The following GNA14 variants were observed in gnomAD, a reference collection of about 807,000 sequenced individuals.
The protein encoded by GNA14 is guanine nucleotide-binding protein subunit alpha-14.
A neutral mutation model predicts 42.0 loss-of-function variants in GNA14; 50 were observed. That is an observed-to-expected ratio of 1.19 (90% CI 0.95 to 1.51). The LOEUF is 1.51. Ranked by LOEUF, GNA14 falls within the 40% of genes most tolerant of loss-of-function variation. The pLI, the probability that GNA14 is intolerant of heterozygous loss-of-function variation, is 0.00. For missense variants in GNA14, 473 were observed against 446.2 expected (o/e 1.06, Z -0.54); for synonymous variants, 173 against 163.1 (o/e 1.06, Z -0.46).
intron 1 of GNA14, among the ~76,000 whole-genome samples, chr9:77,626,745 G>A (rs554315912): frequency 1.6e-4 from 24 of 152,272 alleles, no homozygotes; most frequent in Non-Finnish European, 2.6e-4. Flanking sequence ...GTGTTTAGAA[G>A]TAAATTTATA....
intron 1 of GNA14, among the ~76,000 whole-genome samples, chr9:77,550,802 G>C (rs892036100): frequency 1.3e-5 from 2 of 152,132 alleles, no homozygotes; most frequent in Non-Finnish European, 2.9e-5. Context: ...TTGTCCACAG[G>C]GGCAACAAAA....
chr9:77,520,976 C>T (rs935557920), intron 2 of GNA14, among the ~76,000 whole-genome samples: 6 of 152,162 alleles, frequency 3.9e-5, no homozygotes, highest in African/African-American at 7.2e-5. Context: ...TTAATTGTGA[C>T]GGCAATCAAG....
chr9:77,636,985 C>A (rs1824192863), intron 1 of GNA14, among the ~76,000 whole-genome samples: 1 of 152,196 alleles, frequency 6.6e-6, no homozygotes, highest in Admixed American at 6.5e-5. Flanking sequence ...TGGTTATTAG[C>A]CATAAGATCA....
At chr9:77,522,089 G>A (rs10869932) in intron 2 of GNA14, among the ~76,000 whole-genome samples, 63,926 of 152,010 alleles carry the variant, frequency 0.42, 14,013 homozygotes, top group Admixed American at 0.51. Context: ...TTCCTGCCTC[G>A]GCCCCCCAAA....
intron 2 of GNA14, among the ~76,000 whole-genome samples, chr9:77,493,030 T>TATAC (rs1836810798): frequency 8.8e-6 from 1 of 114,238 alleles, no homozygotes; most frequent in African/African-American, 3.8e-5. Flanking sequence ...AAAAAAAATA[T>TATAC]ATATATATAT....
At chr9:77,534,079 T>C (rs969086550) in intron 1 of GNA14, among the ~76,000 whole-genome samples, 1 of 152,216 alleles carries the variant, frequency 6.6e-6, no homozygotes, top group African/African-American at 2.4e-5. Flanking sequence ...AAAAAACCTG[T>C]CACAAGTGAA....
At chr9:77,452,578 A>ATGTGTGTGGTGTGTGTGTAGTATC (rs1691467554) in intron 2 of GNA14, among the ~76,000 whole-genome samples, 1 of 2,782 alleles carries the variant, frequency 3.6e-4, no homozygotes, top group African/African-American at 1.3e-3. Flanking sequence ...GTGTATGTGC[A>ATGTGTGTGGTGTGTGTGTAGTATC]TGTGTATGTG....
chr9:77,597,768 A>C (rs1278594754), intron 1 of GNA14, among the ~76,000 whole-genome samples: 1 of 152,064 alleles, frequency 6.6e-6, no homozygotes. Context: ...TTTTCTATTA[A>C]AAAACTTTTA....
Position 77,647,568 on chromosome 9 carries a change from C to A in GNA14, c.124+102G>T, listed in dbSNP as rs144744914. 3.5e-3 allele frequency: 4,690 copies of A among 1,331,472 alleles called. 10 individuals are homozygous for A. Among genetic ancestry groups the A allele is most frequent in the Non-Finnish European group, 4.3e-3 (4,242 of 988,408 alleles). The allele number at this position is 1,331,472 out of a possible 1,614,324, so 82.5% of individuals were successfully genotyped here. ...GGGGGAGAAGGACGAAGCCGCCCTG[C>A]ACCCCGCTGGGCTCCAGGGCCGCGC... On this transcript the variant is annotated intron_variant, in intron 1 of 6. Coordinates refer to ENST00000341700, the MANE Select transcript of GNA14 (RefSeq NM_004297.4).
chr9:77,504,548 A>AG (rs1397044118), intron 2 of GNA14, among the ~76,000 whole-genome samples: 2 of 145,034 alleles, frequency 1.4e-5, no homozygotes, highest in Non-Finnish European at 3.0e-5. Flanking sequence ...AAAAAAAAAA[A>AG]AGAGAGAGAG....
At chr9:77,586,753 A>C (rs1823310380) in intron 1 of GNA14, among the ~76,000 whole-genome samples, 2 of 152,026 alleles carry the variant, frequency 1.3e-5, no homozygotes, top group African/African-American at 4.8e-5. Context: ...TGGCCACCCC[A>C]CCCTAACCTT....
At position 77,445,007 on chromosome 9, in the gene GNA14, G is replaced by C. The variant is rs79116651; in HGVS notation, c.310-10485C>G. On this transcript the variant is annotated intron_variant, in intron 2 of 6. Transcript: ENST00000341700. ...AGAATTACAGCTATCCTTTTGAGTA[G>C]GAATGACAACAGAGCCCCACACGAA... Among the ~76,000 whole-genome samples the C allele has an allele frequency of 2.5e-3, 382 of 152,250 alleles. 1 individual carries two copies. Among genetic ancestry groups the C allele is most frequent in the African/African-American group, 8.5e-3 (352 of 41,558 alleles).
intron 1 of GNA14, among the ~76,000 whole-genome samples, chr9:77,530,582 ATC>A (rs1564045010): frequency 1.3e-5 from 2 of 152,250 alleles, no homozygotes; most frequent in African/African-American, 4.8e-5. Flanking sequence ...TGGTTAAATA[ATC>A]TCTGCAAGCT....
At chr9:77,578,782 G>A (rs2117851728) in intron 1 of GNA14, among the ~76,000 whole-genome samples, 1 of 152,278 alleles carries the variant, frequency 6.6e-6, no homozygotes, top group Non-Finnish European at 1.5e-5. Context: ...TGAAGAGGTA[G>A]GCTTCAAATA....
intron 1 of GNA14, among the ~76,000 whole-genome samples, chr9:77,624,390 C>T (rs1319483696): frequency 6.6e-6 from 1 of 152,202 alleles, no homozygotes; most frequent in East Asian, 1.9e-4. Context: ...AAGAGGACAG[C>T]AGATCTCCCA....
At chr9:77,630,082 G>C (rs1191902814) in intron 1 of GNA14, among the ~76,000 whole-genome samples, 1 of 150,424 alleles carries the variant, frequency 6.6e-6, no homozygotes, top group Non-Finnish European at 1.5e-5. Flanking sequence ...TTAGAATTAA[G>C]AGAGTATGGT....
chr9:77,630,490 G>A (rs116970705), intron 1 of GNA14, among the ~76,000 whole-genome samples: 73 of 152,110 alleles, frequency 4.8e-4, no homozygotes, highest in African/African-American at 1.3e-3. Context: ...CAGCTTTTTC[G>A]GAGGTTTGAA....
At chr9:77,544,668 T>C (rs956284295) in intron 1 of GNA14, among the ~76,000 whole-genome samples, 2 of 124,686 alleles carry the variant, frequency 1.6e-5, no homozygotes, top group African/African-American at 6.8e-5. Context: ...CGTCACTGCA[T>C]CTCAAAAAAA....
At chr9:77,565,327 AG>A (rs556426902) in intron 1 of GNA14, among the ~76,000 whole-genome samples, 5 of 152,228 alleles carry the variant, frequency 3.3e-5, no homozygotes, top group Non-Finnish European at 7.3e-5. Flanking sequence ...ACTTAATACT[AG>A]GGGGAAAATA....
Sources: allele counts gnomAD v4.1 joint callset (sites outside exome capture counted in the v4.1 genomes callset), GRCh38; gene constraint gnomAD v4.1.1; transcripts MANE v1.5; gene names NCBI Gene and HGNC (gene_info 2026-07-23, HGNC 2026-07-21).